The following WDR33 variants were observed in gnomAD, a reference collection of about 807,000 sequenced individuals.
WDR33 encodes pre-mRNA 3' end processing protein WDR33.
Under a neutral mutation model 164.9 loss-of-function variants are expected in WDR33, and 47 were observed. The observed-to-expected ratio is 0.29, with a 90% CI of 0.23 to 0.36. The LOEUF is 0.36. Among genes scored for constraint, WDR33 ranks in the 10% least tolerant of loss-of-function variants. The pLI, the probability that WDR33 is intolerant of heterozygous loss-of-function variation, is 1.00. For synonymous variants in WDR33, 505 were observed against 589.0 expected, an observed-to-expected ratio of 0.86 and a Z score of 2.06; for missense variants, 1,137 against 1,754.1, an observed-to-expected ratio of 0.65 and a Z score of 6.28.
intron 1 of WDR33, among the ~76,000 whole-genome samples, chr2:127,806,309 G>A (rs2104690978): frequency 6.7e-6 from 1 of 150,028 alleles, no homozygotes; most frequent in African/African-American, 2.5e-5. Flanking sequence ...CTGGGTTCAA[G>A]CGATTCTCAT....
rs1338106794 is a variant in WDR33, at chr2:127,770,080, T to C, written c.204+698A>G. ...GGAGAATCCATGTTCTCCAAGCCAGTGTCTCACAAAAATATTCCTATGTTG... is the reference window on the plus strand; with the variant it reads ...GGAGAATCCATGTTCTCCAAGCCAGCGTCTCACAAAAATATTCCTATGTTG... On this transcript the variant is annotated intron_variant, in intron 2 of 21. Transcript: ENST00000322313. The surrounding 1 kb of genome is among the most constrained non-coding windows in gnomAD (Gnocchi z 4.9). Among the ~76,000 whole-genome samples, 1 of 152,216 alleles carries C rather than the reference T, an allele frequency of 6.6e-6. No individual in the cohort carries two copies. The highest frequency in any genetic ancestry group is 1.5e-5 in the Non-Finnish European group (1 of 68,048).
intron 7 of WDR33, among the ~76,000 whole-genome samples, chr2:127,761,282 G>A (rs1687666438): frequency 6.6e-6 from 1 of 151,894 alleles, no homozygotes; most frequent in South Asian, 2.1e-4. Context: ...CTCACTGCAA[G>A]CTCCGCCACC....
At chr2:127,781,220 C>T (rs1482937782) in intron 1 of WDR33, among the ~76,000 whole-genome samples, 1 of 152,150 alleles carries the variant, frequency 6.6e-6, no homozygotes, top group African/African-American at 2.4e-5. Flanking sequence ...GTAATAGACA[C>T]ATGAACATAT....
At position 127,724,461 on chromosome 2, in the gene WDR33, A is replaced by G. The variant is rs1686515101; in HGVS notation, c.1086-18T>C. On this transcript the variant is annotated intron_variant, in intron 10 of 21. Coordinates refer to ENST00000322313, the MANE Select transcript of WDR33 (RefSeq NM_018383.5). This position sits in a 1 kb window ranked among gnomAD's most constrained non-coding sequence, Gnocchi z 4.8. ...TCTCTACCCTGCAACAGCACCAAAG[A>G]GAGAAGATTTGTTCACAAAAGTTAC... 1.9e-6 allele frequency: 3 copies of G among 1,607,430 alleles called. No homozygotes were observed. The highest frequency in any genetic ancestry group is 2.2e-5 in the South Asian group (2 of 90,448).
chr2:127,801,422 G>A (rs1689236409), intron 1 of WDR33, among the ~76,000 whole-genome samples: 1 of 151,928 alleles, frequency 6.6e-6, no homozygotes, highest in Admixed American at 6.6e-5. Context: ...AGCACTTTGG[G>A]AGGCCATGGT....
intron 1 of WDR33, among the ~76,000 whole-genome samples, chr2:127,782,927 G>A (rs71420803): frequency 0.13 from 20,126 of 152,066 alleles, 1,454 homozygotes; most frequent in South Asian, 0.26. Flanking sequence ...GAGAATGGCA[G>A]GAAGCCGGCA....
At chr2:127,781,615 C>A (rs1688371723) in intron 1 of WDR33, among the ~76,000 whole-genome samples, 1 of 152,048 alleles carries the variant, frequency 6.6e-6, no homozygotes, top group African/African-American at 2.4e-5. Flanking sequence ...TGTATTATTT[C>A]TTAAAAATGC....
rs1276733850 is a variant in WDR33, at chr2:127,713,138, A to C, written c.3308+445T>G. Among the ~76,000 whole-genome samples, 1 of 152,242 alleles carries C rather than the reference A, an allele frequency of 6.6e-6. No individual in the cohort carries two copies. The highest frequency in any genetic ancestry group is 2.4e-5 in the African/African-American group (1 of 41,458). ...GAGATGAGTGTTCAAGCCTGATCTAAGTTTAACAGGAAGACTGTTTTTCAG... is the reference window on the plus strand; with the variant it reads ...GAGATGAGTGTTCAAGCCTGATCTACGTTTAACAGGAAGACTGTTTTTCAG... On this transcript the variant is annotated intron_variant, in intron 18 of 21. Transcript: ENST00000322313. This position sits in a 1 kb window ranked among gnomAD's most constrained non-coding sequence, Gnocchi z 6.2.
chr2:127,781,401 C>T (rs533132702), intron 1 of WDR33, among the ~76,000 whole-genome samples: 2 of 152,058 alleles, frequency 1.3e-5, no homozygotes, highest in Non-Finnish European at 2.9e-5. Context: ...GTGGCGAACA[C>T]AGGAACATAA....
Position 127,739,033 on chromosome 2 carries a change from T to C in WDR33, c.725-12256A>G, listed in dbSNP as rs201638143. On this transcript the variant is annotated intron_variant, in intron 7 of 21. Coordinates refer to ENST00000322313, the MANE Select transcript of WDR33 (RefSeq NM_018383.5). ...AGACCTCAGAAAAAAGATCTTACCA[T>C]TCCAGAGATGTGAAAACCAAGGAAT... Among the ~76,000 whole-genome samples, 4 of 152,264 alleles carry C rather than the reference T, an allele frequency of 2.6e-5. No homozygotes were observed. The East Asian group carries it at 7.7e-4, about 29-fold the overall frequency.
Position 127,709,727 on chromosome 2 carries a change from T to A in WDR33, c.3438A>T (p.Arg1146=). The part of the protein sequence containing the change: ...FDASEEAARG[R]DLRGRGRGTP... The stretch of plus-strand genomic sequence containing the variant: ...TACCCCGACCTCGACCTCTGAGATC[T>A]CGTCCTCGGGCCGCTTCCTCAGAAG... Residue 1146 remains arginine (R), a synonymous_variant, in exon 19 of 22, where the codon CGA becomes CGT. Coordinates refer to ENST00000322313, the MANE Select transcript of WDR33 (RefSeq NM_018383.5). The surrounding 1 kb of genome is among the most constrained non-coding windows in gnomAD (Gnocchi z 5.0). 3 of 1,614,274 alleles carry A rather than the reference T, an allele frequency of 1.9e-6. No individual in the cohort carries two copies. The highest frequency in any genetic ancestry group is 2.5e-6 in the Non-Finnish European group (3 of 1,180,052).
Position 127,722,700 on chromosome 2 carries a change from G to T in WDR33, c.1409C>A (p.Thr470Lys). ...CATTCCCCAATCTAAACCTGGAATT[G>T]TCATTTCAATTTCATTTGATTCATC... ...GKDESNEIEM[T>K]IPGLDWGMEE... Residue 470 changes from threonine (T) to lysine (K), a missense_variant, in exon 14 of 22, where the codon ACA (threonine) becomes AAA (lysine). Physicochemically the swap from Thr to Lys is moderately conservative, Grantham distance 78 (BLOSUM62 -1). Coordinates refer to ENST00000322313, the MANE Select transcript of WDR33 (RefSeq NM_018383.5). The surrounding 1 kb of genome is among the most constrained non-coding windows in gnomAD (Gnocchi z 5.1). The T allele has an allele frequency of 6.2e-7, 1 of 1,613,938 alleles. No homozygotes were observed. The highest frequency in any genetic ancestry group is 8.5e-7 in the Non-Finnish European group (1 of 1,179,976).
At chr2:127,731,700 T>G (rs149330382) in intron 7 of WDR33, among the ~76,000 whole-genome samples, 138 of 152,284 alleles carry the variant, frequency 9.1e-4, no homozygotes, top group African/African-American at 3.1e-3. Context: ...TTTGGGGGTT[T>G]TGGAAATGTT....
At chr2:127,801,944 G>A (rs546584353) in intron 1 of WDR33, among the ~76,000 whole-genome samples, 1 of 151,908 alleles carries the variant, frequency 6.6e-6, no homozygotes, top group Non-Finnish European at 1.5e-5. Context: ...ACTTTGGGAG[G>A]CTGAGGCAGG....
intron 7 of WDR33, among the ~76,000 whole-genome samples, chr2:127,745,094 G>A (rs183287723): frequency 6.6e-6 from 1 of 152,246 alleles, no homozygotes; most frequent in African/African-American, 2.4e-5. Flanking sequence ...AGATATAGAA[G>A]GATCAATGTA....
chr2:127,701,925 G>C lies in WDR33; in HGVS notation c.*4398C>G. The C allele has an allele frequency of 6.9e-7, 1 of 1,441,156 alleles. No individual in the cohort carries two copies. The highest frequency in any genetic ancestry group is 9.1e-7 in the Non-Finnish European group (1 of 1,103,672). The allele number at this position is 1,441,156 out of a possible 1,614,324, so 89.3% of individuals were successfully genotyped here. On this transcript the variant is annotated 3_prime_UTR_variant, in exon 22 of 22. Transcript: ENST00000322313. Reference sequence around the variant, plus strand: ...GCTGCTGCGGGGCGGCGCGGCGTGCGGACGCCTGCTGCGCTGCGAAGAAGC... The same window carrying C: ...GCTGCTGCGGGGCGGCGCGGCGTGCCGACGCCTGCTGCGCTGCGAAGAAGC...
At chr2:127,746,958 A>G (rs1044068219) in intron 7 of WDR33, among the ~76,000 whole-genome samples, 1 of 152,216 alleles carries the variant, frequency 6.6e-6, no homozygotes, top group African/African-American at 2.4e-5. Flanking sequence ...TTCAGCATCA[A>G]TTCTGGTAAA....
rs543970692 is a variant in WDR33, at chr2:127,741,985, G to A, written c.725-15208C>T. 1.3e-5 allele frequency among the ~76,000 whole-genome samples: 2 copies of A among 152,006 alleles called. No individual in the cohort carries two copies. The highest frequency in any genetic ancestry group is 2.4e-5 in the African/African-American group (1 of 41,372). On this transcript the variant is annotated intron_variant, in intron 7 of 21. Transcript: ENST00000322313. The surrounding 1 kb of genome is among the most constrained non-coding windows in gnomAD (Gnocchi z 4.1). ...GGAGGCCGAGGCGGGTGGATCACCT[G>A]AAGTCAGGAGTTCAAGATCAGCCTG...
chr2:127,773,694 G>T (rs1193706897), intron 1 of WDR33, among the ~76,000 whole-genome samples: 1 of 152,136 alleles, frequency 6.6e-6, no homozygotes, highest in Non-Finnish European at 1.5e-5. Flanking sequence ...TTAAGTTTCA[G>T]CACCCCAATT....
Sources: allele counts gnomAD v4.1 joint callset (sites outside exome capture counted in the v4.1 genomes callset), GRCh38; gene constraint gnomAD v4.1.1; non-coding constraint Gnocchi (gnomAD v3.1); transcripts MANE v1.5; gene names NCBI Gene and HGNC (gene_info 2026-07-23, HGNC 2026-07-21).